The following SEMA4A variants were observed in gnomAD, a reference collection of about 807,000 sequenced individuals.
The protein encoded by SEMA4A is semaphorin 4A, also known as semaphorin-4A.
SEMA4A carries 52 observed loss-of-function variants against 72.5 expected under a neutral mutation model. The observed-to-expected ratio is 0.72, with a 90% CI of 0.57 to 0.90. SEMA4A has a LOEUF of 0.90. SEMA4A is among the 40% of genes least tolerant of loss of function. The pLI is 0.00. For synonymous variants in SEMA4A, 369 were observed against 393.1 expected (o/e 0.94, Z 0.73); for missense variants, 926 against 959.7 (o/e 0.96, Z 0.46).
intron 10 of SEMA4A, 37 bp downstream of exon 10, chr1:156,163,131 A>G (rs778504887): frequency 3.1e-6 from 5 of 1,611,916 alleles, no homozygotes; most frequent in Non-Finnish European, 3.4e-6. Flanking sequence ...CAGTCTACAC[A>G]TACATAATGT....
upstream of SEMA4A, chr1:156,153,410 G>A (rs558635007): frequency 6.6e-6 from 1 of 152,378 alleles, no homozygotes; most frequent in South Asian, 2.1e-4. Flanking sequence ...AAATGACCTA[G>A]AAGGGCCTCT....
upstream of SEMA4A, among the ~76,000 whole-genome samples, chr1:156,151,554 T>C (rs150546119): frequency 3.3e-3 from 497 of 152,294 alleles, 4 homozygotes; most frequent in African/African-American, 0.012. Context: ...CGCTTGGGGC[T>C]GGGCACAGTG....
chr1:156,160,945 C>T lies in SEMA4A; in HGVS notation c.726C>T (p.Val242=). The change falls in exon 8 of 15, where the codon GTC becomes GTT. Residue 242 remains valine, a synonymous_variant. Transcript: ENST00000368285. The part of the protein sequence containing the change: ...SFVAAIPSTQ[V]VYFFFEETAS... ...TGGCAGCCATCCCTTCGACCCAGGT[C>T]GTCTACTTCTTCTTCGAGGAGACAG... The T allele has an allele frequency of 6.2e-7, 1 of 1,613,388 alleles. No individual in the cohort carries two copies. Among genetic ancestry groups the T allele is most frequent in the Non-Finnish European group, 8.5e-7 (1 of 1,179,846 alleles).
chr1:156,169,418 T>TC (rs1365399396), intron 10 of SEMA4A, among the ~76,000 whole-genome samples: 3 of 133,990 alleles, frequency 2.2e-5, no homozygotes, highest in Non-Finnish European at 4.8e-5. Context: ...TTTTTTTTTT[T>TC]TTTTTTTTTT....
chr1:156,157,919 C>T lies in SEMA4A; in HGVS notation c.301-151C>T. 1.3e-6 allele frequency: 1 copy of T among 755,842 alleles called. No individual in the cohort carries two copies. The highest frequency in any genetic ancestry group is 2.4e-6 in the Non-Finnish European group (1 of 425,298). 46.8% of individuals were successfully genotyped at this position (755,842 alleles called of 1,614,324 possible). On this transcript the variant is annotated intron_variant, in intron 3 of 14. Transcript: ENST00000368285. This position sits in a 1 kb window ranked among gnomAD's most constrained non-coding sequence, Gnocchi z 4.5. ...GTATTATTCAAGTAATAGCCATGGT[C>T]ACAAACTGATGTTATTACTGCCCAT... is the stretch of plus-strand genomic sequence containing the variant.
intron 10 of SEMA4A, among the ~76,000 whole-genome samples, chr1:156,171,419 A>C (rs1260696531): frequency 6.6e-6 from 1 of 152,184 alleles, no homozygotes; most frequent in African/African-American, 2.4e-5. Flanking sequence ...TCATGCAGCA[A>C]GTTCGTGCAA....
chr1:156,176,819 T>C lies in SEMA4A; in HGVS notation c.2108T>C (p.Val703Ala). The C allele has an allele frequency of 3.1e-6, 5 of 1,614,196 alleles. No individual in the cohort carries two copies. Among genetic ancestry groups the C allele is most frequent in the Non-Finnish European group, 3.4e-6 (4 of 1,179,992 alleles). Residue 703 changes from valine (V) to alanine (A), a missense_variant, in exon 15 of 15, where the codon GTG (valine) becomes GCG (alanine). Val to Ala is a moderately conservative substitution (Grantham distance 64). Transcript: ENST00000368285. ...CTTTCAGGAGCCCTCATCATCCTCG[T>C]GGCCTCCCCATTGAGAGCACTCCGG... ...LVLSGALIIL[V>A]ASPLRALRAR...
Position 156,174,915 on chromosome 1 carries a change from G to A in SEMA4A, c.1409G>A (p.Arg470His), listed in dbSNP as rs374476778. Residue 470 changes from arginine (R) to histidine (H), a missense_variant, in exon 12 of 15, where the codon CGC becomes CAC. Coordinates refer to ENST00000368285, the MANE Select transcript of SEMA4A (RefSeq NM_022367.4). ...CTGTTCCCTGACCCTGAACCTGTTC[G>A]CAACCTGCAGCTGGCCCCCACCCAG... ...IQLFPDPEPV[R>H]NLQLAPTQGA... The A allele has an allele frequency of 5.6e-5, 90 of 1,614,176 alleles. 2 individuals carry two copies. Among genetic ancestry groups the A allele is most frequent in the African/African-American group, 2.8e-4 (21 of 75,042 alleles).
rs768826705 is a variant in SEMA4A at position 156,163,054 on chromosome 1, C to T, written c.1094C>T (p.Thr365Ile). Residue 365 changes from threonine to isoleucine, a missense_variant, in exon 10 of 15, where the codon ACT (threonine) becomes ATT (isoleucine). By Grantham distance (89) the Thr-to-Ile change is moderately conservative (BLOSUM62 -1). Transcript: ENST00000368285. The stretch of plus-strand genomic sequence containing the variant: ...TTGAACAAAGAAACTTCACGCTGGA[C>T]TACTTATAGGGGCCCTGAGACCAAC... ...KELNKETSRWTTYRGPETNPR... is the reference protein window; with the variant it reads ...KELNKETSRWITYRGPETNPR... 7 of 1,614,044 alleles carry T rather than the reference C, an allele frequency of 4.3e-6. No individual in the cohort carries two copies. The East Asian group carries it at 8.9e-5, about 21-fold the overall frequency.
At chr1:156,150,729 C>T (rs1652472439), upstream of SEMA4A, among the ~76,000 whole-genome samples, 1 of 152,184 alleles carries the variant, frequency 6.6e-6, no homozygotes, top group Non-Finnish European at 1.5e-5. Context: ...ACCTCTCCAT[C>T]TCCCCTCCCA....
Position 156,176,886 on chromosome 1 carries a change from G to A in SEMA4A, c.2175G>A (p.Gly725=). 6.2e-7 allele frequency: 1 copy of A among 1,614,248 alleles called. No homozygotes were observed. Among genetic ancestry groups the A allele is most frequent in the South Asian group, 1.1e-5 (1 of 91,088 alleles). The part of the protein sequence containing the change: ...KVQGCETLRP[G]EKAPLSREQH... ...AGGGCTGTGAGACCCTGCGCCCTGG[G>A]GAGAAGGCCCCGTTAAGCAGAGAGC... The change falls in exon 15 of 15, where the codon GGG becomes GGA. Residue 725 remains glycine (G), a synonymous_variant. Coordinates refer to ENST00000368285, the MANE Select transcript of SEMA4A (RefSeq NM_022367.4).
At position 156,154,531 on chromosome 1, in the gene SEMA4A, C is replaced by A; in HGVS notation, c.-29-19C>A. On this transcript the variant is annotated intron_variant, in intron 1 of 14. Coordinates refer to ENST00000368285, the MANE Select transcript of SEMA4A (RefSeq NM_022367.4). Reference sequence around the variant, plus strand: ...AAGAACTGCTCACCCAGAAAGTGCCCGGGTGCCTGTTTCCCCAGAGCTCCC... The same window carrying A: ...AAGAACTGCTCACCCAGAAAGTGCCAGGGTGCCTGTTTCCCCAGAGCTCCC... 1 of 1,589,374 alleles carries A rather than the reference C, an allele frequency of 6.3e-7. No individual in the cohort carries two copies. Among genetic ancestry groups the A allele is most frequent in the Non-Finnish European group, 8.5e-7 (1 of 1,172,002 alleles).
In SEMA4A at chr1:156,177,144, C is replaced by T; in HGVS notation, c.*147C>T. The T allele has an allele frequency of 1.3e-6, 1 of 755,992 alleles. No individual in the cohort carries two copies. Among genetic ancestry groups the T allele is most frequent in the Non-Finnish European group, 2.3e-6 (1 of 437,482 alleles). The allele number at this position is 755,992 out of a possible 1,614,324, so 46.8% of individuals were successfully genotyped here. A position where few individuals can be genotyped will look rare whatever the true frequency, so the allele number is the denominator to read the frequency against. ...TTCTGCTACTCTGCATCACTGATGACACTCAGCAGGGTGATGCACAGCAGT... is the reference window on the plus strand; with the variant it reads ...TTCTGCTACTCTGCATCACTGATGATACTCAGCAGGGTGATGCACAGCAGT... On this transcript the variant is annotated 3_prime_UTR_variant, in exon 15 of 15. Transcript: ENST00000368285.
At chr1:156,150,591 TTGCTTCTCTCCTGGCTCCAGGAGC>T (rs754642360), upstream of SEMA4A, among the ~76,000 whole-genome samples, 3 of 151,072 alleles carry the variant, frequency 2.0e-5, no homozygotes, top group East Asian at 2.0e-4. Context: ...AAGCCAGGAG[TTGCTTCTCTCCTGGCTCCAGGAGC>T]TGCTCCTTTA....
At chr1:156,158,690 C>G (rs1324464406) in intron 5 of SEMA4A, 29 bp from the exon 6 acceptor site, 1 of 1,564,056 alleles carries the variant, frequency 6.4e-7, no homozygotes. Flanking sequence ...CCTTGGCGTT[C>G]TGGCCCCCCA....
Position 156,175,671 on chromosome 1 carries a change from A to G in SEMA4A, c.1693+15A>G. 1 of 1,572,242 alleles carries G rather than the reference A, an allele frequency of 6.4e-7. No individual in the cohort carries two copies. ...CCCGCAAATCAGTGAGTGTAGGACC[A>G]CTCACCAGGGGAGGTGCAAAGGCTC... On this transcript the variant is annotated intron_variant, in intron 14 of 14. Coordinates refer to ENST00000368285, the MANE Select transcript of SEMA4A (RefSeq NM_022367.4).
At chr1:156,156,648 C>A in intron 3 of SEMA4A, 74 bp downstream of exon 3, 1 of 1,465,828 alleles carries the variant, frequency 6.8e-7, no homozygotes, top group Non-Finnish European at 9.5e-7. Context: ...GCTTGGCTGC[C>A]TGTGCATGAA....
intron 10 of SEMA4A, among the ~76,000 whole-genome samples, chr1:156,166,298 C>T (rs1234009418): frequency 6.6e-6 from 1 of 152,066 alleles, no homozygotes; most frequent in Admixed American, 6.6e-5. Flanking sequence ...CTGCTTTGGC[C>T]TCCTAAAGTG....
chr1:156,155,000 C>G (rs113607581), intron 2 of SEMA4A: 1 of 496,522 alleles, frequency 2.0e-6, no homozygotes, highest in Non-Finnish European at 3.6e-6. Context: ...TTTTTCTTTC[C>G]TTCCTTAAAT....
Sources: gnomAD v4.1 joint callset for allele counts (sites outside exome capture counted in the v4.1 genomes callset) on GRCh38, gnomAD v4.1.1 for gene constraint, Gnocchi (gnomAD v3.1) non-coding constraint, MANE v1.5 for transcripts, NCBI Gene and HGNC (gene_info 2026-07-23, HGNC 2026-07-21) for gene names.